Variants in WIF1 observed in about 807,000 individuals in gnomAD.
The protein encoded by WIF1 is Wnt inhibitory factor 1.
In WIF1, 35 loss-of-function variants were observed where a neutral mutation model predicts 53.5. The ratio of observed to expected loss-of-function variants is 0.65; its 90% CI spans 0.50 to 0.87. The LOEUF is 0.87. WIF1 is among the 40% of genes least tolerant of loss of function. The probability of loss-of-function intolerance (pLI) is 0.00; values close to 1 mark genes in which losing one functional copy is unlikely to be tolerated. For synonymous variants in WIF1, 171 were observed against 170.4 expected, an observed-to-expected ratio of 1.00 and a Z score of -0.03; for missense variants, 467 against 476.8, an observed-to-expected ratio of 0.98 and a Z score of 0.19.
Position 65,077,713 on chromosome 12 carries a change from G to A in WIF1, c.397+33C>T, listed in dbSNP as rs1056411536. ...TATTCTTATCATCATTACATTTTAA[G>A]TGTAAACCTTTCTTCAGGCAAAGAC... On this transcript the variant is annotated intron_variant, in intron 3 of 9. Transcript: ENST00000286574. The A allele has an allele frequency of 1.3e-5, 18 of 1,424,808 alleles. No individual in the cohort carries two copies. The African/African-American group carries it at 1.7e-4, about 13-fold the overall frequency. 88.3% of individuals were successfully genotyped at this position (1,424,808 alleles called of 1,614,324 possible). A position where few individuals can be genotyped will look rare whatever the true frequency, so the allele number is the denominator to read the frequency against.
At chr12:65,079,361 C>T (rs1395544874) in intron 2 of WIF1, among the ~76,000 whole-genome samples, 1 of 151,878 alleles carries the variant, frequency 6.6e-6, no homozygotes, top group Non-Finnish European at 1.5e-5. Context: ...AAATTATATT[C>T]AAAATTGTAA....
chr12:65,086,162 G>A (rs960902272), intron 2 of WIF1, among the ~76,000 whole-genome samples: 1 of 151,950 alleles, frequency 6.6e-6, no homozygotes, highest in Non-Finnish European at 1.5e-5. Flanking sequence ...AAAAAAAAAG[G>A]TATTGGTATA....
intron 2 of WIF1, among the ~76,000 whole-genome samples, chr12:65,096,442 T>C (rs1340727301): frequency 6.6e-6 from 1 of 152,164 alleles, no homozygotes; most frequent in Non-Finnish European, 1.5e-5. Context: ...TCAACCATTG[T>C]GGAAAGACAG....
intron 8 of WIF1, among the ~76,000 whole-genome samples, chr12:65,055,755 A>G (rs940631100): frequency 8.5e-5 from 13 of 152,262 alleles, no homozygotes; most frequent in Admixed American, 7.2e-4. Flanking sequence ...AGCCTGGGCG[A>G]CAGAGAGAGA....
Position 65,051,365 on chromosome 12 carries a change from G to A in WIF1, c.1124C>T (p.Ser375Phe). The A allele has an allele frequency of 6.2e-7, 1 of 1,613,580 alleles. No individual in the cohort carries two copies. The highest frequency in any genetic ancestry group is 8.5e-7 in the Non-Finnish European group (1 of 1,179,806). Residue 375 changes from serine to phenylalanine, a missense_variant, in exon 10 of 10, where the codon TCC becomes TTC. Ser to Phe is a radical substitution (Grantham distance 155). Transcript: ENST00000286574. ...TGTCGGAGTTCACCAGATGTAATTG[G>A]ATTCAGGTGGATCCCGCCGCTCCTC... The part of the protein sequence containing the change: ...KAEERRDPPE[S>F]NYIW
chr12:65,067,680 G>A lies in WIF1; in HGVS notation c.634+15C>T, dbSNP rs776688331. On this transcript the variant is annotated intron_variant, in intron 5 of 9. Transcript: ENST00000286574. The stretch of plus-strand genomic sequence containing the variant: ...CATTAGGAAGGGAGCAAGGGAAATC[G>A]GCTCCATGTCTTACCTTTCTCACAG... The A allele has an allele frequency of 9.3e-6, 15 of 1,609,480 alleles. No homozygotes were observed. Among genetic ancestry groups the A allele is most frequent in the South Asian group, 7.7e-5 (7 of 90,920 alleles).
chr12:65,102,375 T>A (rs1460120469), intron 2 of WIF1, among the ~76,000 whole-genome samples: 4 of 152,144 alleles, frequency 2.6e-5, no homozygotes. Flanking sequence ...CTGATGGCCC[T>A]TAAGAGCCAG....
At chr12:65,114,304 C>A (rs971716511) in intron 2 of WIF1, among the ~76,000 whole-genome samples, 9 of 152,190 alleles carry the variant, frequency 5.9e-5, no homozygotes, top group African/African-American at 1.9e-4. Context: ...ACCAGTGTTA[C>A]ATCACATCAA....
At chr12:65,083,513 C>T (rs1882978725) in intron 2 of WIF1, among the ~76,000 whole-genome samples, 1 of 152,168 alleles carries the variant, frequency 6.6e-6, no homozygotes, top group Non-Finnish European at 1.5e-5. Flanking sequence ...TAACTCTCAG[C>T]TCATAATCAT....
intron 2 of WIF1, among the ~76,000 whole-genome samples, chr12:65,103,212 A>G (rs2136291302): frequency 6.6e-6 from 1 of 152,330 alleles, no homozygotes; most frequent in African/African-American, 2.4e-5. Flanking sequence ...ACTTACTGTG[A>G]ATTATCAGTT....
chr12:65,068,426 A>C (rs1413312708), intron 4 of WIF1, among the ~76,000 whole-genome samples: 1 of 152,140 alleles, frequency 6.6e-6, no homozygotes, highest in Non-Finnish European at 1.5e-5. Context: ...AGAGCAAGAA[A>C]GGGGGAAATT....
intron 7 of WIF1, among the ~76,000 whole-genome samples, chr12:65,058,764 C>A (rs1196165086): frequency 1.3e-5 from 2 of 152,038 alleles, no homozygotes; most frequent in Non-Finnish European, 2.9e-5. Flanking sequence ...AGAGACTAAG[C>A]CCTGGCTGGG....
intron 2 of WIF1, among the ~76,000 whole-genome samples, chr12:65,090,975 T>C (rs950686904): frequency 1.3e-5 from 2 of 152,004 alleles, no homozygotes; most frequent in Non-Finnish European, 2.9e-5. Context: ...TAATGCATTG[T>C]GGGTATAGGG....
chr12:65,101,931 G>A (rs573276527), intron 2 of WIF1, among the ~76,000 whole-genome samples: 1 of 152,242 alleles, frequency 6.6e-6, no homozygotes, highest in African/African-American at 2.4e-5. Flanking sequence ...GCTTTCTTTG[G>A]CCTAATGACT....
rs1242470737 is a variant in WIF1, at chr12:65,120,512, G to T, written c.193C>A (p.Pro65Thr). 1 of 1,614,012 alleles carries T rather than the reference G, an allele frequency of 6.2e-7. No individual in the cohort carries two copies. The highest frequency in any genetic ancestry group is 1.1e-5 in the South Asian group (1 of 91,046). ...ILIVSEGKMA[P>T]FTHDFRKAQQ... ...GCTTTTCTGAAATCATGTGTAAAAGGTGCCATTTTCCCCTCTGAAACAATC... is the reference window on the plus strand; with the variant it reads ...GCTTTTCTGAAATCATGTGTAAAAGTTGCCATTTTCCCCTCTGAAACAATC... Residue 65 changes from proline (P) to threonine (T), a missense_variant, in exon 2 of 10, where the codon CCT (proline) becomes ACT (threonine). By Grantham distance (38) the Pro-to-Thr change is conservative (BLOSUM62 -1). Coordinates refer to ENST00000286574, the MANE Select transcript of WIF1 (RefSeq NM_007191.5).
At chr12:65,061,609 G>GGAC (rs757114532) in intron 7 of WIF1, among the ~76,000 whole-genome samples, 1 of 152,162 alleles carries the variant, frequency 6.6e-6, no homozygotes, top group Non-Finnish European at 1.5e-5. Context: ...GGCAGAGCCT[G>GGAC]GACAAGCAGT....
intron 6 of WIF1, among the ~76,000 whole-genome samples, chr12:65,064,429 A>G (rs1452906182): frequency 6.6e-6 from 1 of 152,204 alleles, no homozygotes. Flanking sequence ...CTTAGGTCCT[A>G]AAGGTTGTGA....
intron 2 of WIF1, among the ~76,000 whole-genome samples, chr12:65,091,573 G>A (rs1359348499): frequency 6.6e-6 from 1 of 151,794 alleles, no homozygotes. Flanking sequence ...ATTACAGTTT[G>A]AATAAAAAGA....
In WIF1 at chr12:65,051,391, G is replaced by T. The variant is rs757666764; in HGVS notation, c.1098C>A (p.Ala366=). The change falls in exon 10 of 10, where the codon GCC becomes GCA. Residue 366 remains alanine, a synonymous_variant. Coordinates refer to ENST00000286574, the MANE Select transcript of WIF1 (RefSeq NM_007191.5). ...ATTCAGGTGGATCCCGCCGCTCCTC[G>T]GCCTTTTTAAGTGAAGGCGTGTGCT... ...LRQHTPSLKK[A]EERRDPPESN... is the part of the protein sequence containing the mutation. The T allele has an allele frequency of 6.2e-7, 1 of 1,613,886 alleles. No individual in the cohort carries two copies. The highest frequency in any genetic ancestry group is 2.2e-5 in the East Asian group (1 of 44,844).
Sources: gnomAD v4.1 joint callset for allele counts (sites outside exome capture counted in the v4.1 genomes callset) on GRCh38, gnomAD v4.1.1 for gene constraint, MANE v1.5 for transcripts, NCBI Gene and HGNC (gene_info 2026-07-23, HGNC 2026-07-21) for gene names.